MAN2B2: variants seen among roughly 807,000 people sequenced by gnomAD.
MAN2B2 encodes the protein epididymis-specific alpha-mannosidase.
MAN2B2 carries 106 observed loss-of-function variants against 117.1 expected under a neutral mutation model. The ratio of observed to expected loss-of-function variants is 0.90; its 90% CI spans 0.77 to 1.06. The LOEUF (loss-of-function observed/expected upper bound fraction) is 1.06. Ranked by LOEUF, MAN2B2 falls within the 50% of genes least tolerant of loss-of-function variation. MAN2B2 has a pLI of 0.00. For synonymous variants in MAN2B2, 544 were observed against 595.1 expected (o/e 0.91, Z 1.25); for missense variants, 1,326 against 1,381.4 (o/e 0.96, Z 0.64).
At chr4:6,616,395 T>C (rs112024345) in intron 16 of MAN2B2, among the ~76,000 whole-genome samples, 7,093 of 152,240 alleles carry the variant, frequency 0.047, 312 homozygotes, top group African/African-American at 0.11. Flanking sequence ...TCAGTCAGGG[T>C]GGCTGGCGTA....
chr4:6,590,874 C>T (rs898625936), intron 5 of MAN2B2, among the ~76,000 whole-genome samples: 4 of 151,996 alleles, frequency 2.6e-5, no homozygotes, highest in South Asian at 2.1e-4. Context: ...GGAGGCCAGG[C>T]GCAGTGGCTC....
intron 6 of MAN2B2, among the ~76,000 whole-genome samples, chr4:6,594,207 C>T (rs1250324287): frequency 6.6e-6 from 1 of 152,178 alleles, no homozygotes; most frequent in African/African-American, 2.4e-5. Context: ...CTTTGGGAGG[C>T]CAAGGCAGGC....
intron 11 of MAN2B2, 93 bp downstream of exon 11, chr4:6,605,422 C>G: frequency 2.1e-6 from 3 of 1,434,002 alleles, no homozygotes; most frequent in Non-Finnish European, 2.8e-6. Context: ...TGCTCACTTG[C>G]CTGGGGGAAG....
intron 10 of MAN2B2, among the ~76,000 whole-genome samples, chr4:6,602,450 A>T (rs1176526411): frequency 1.3e-5 from 2 of 152,094 alleles, no homozygotes; most frequent in African/African-American, 4.8e-5. Context: ...TTACGAGGGC[A>T]CTAATCCCAT....
chr4:6,605,860 C>T (rs1019376004), intron 11 of MAN2B2, among the ~76,000 whole-genome samples: 2 of 152,112 alleles, frequency 1.3e-5, no homozygotes, highest in African/African-American at 2.4e-5. Flanking sequence ...TCCATCTACC[C>T]ACCCACCTAT....
chr4:6,606,532 G>A (rs573305071), intron 11 of MAN2B2, among the ~76,000 whole-genome samples: 3 of 152,352 alleles, frequency 2.0e-5, no homozygotes, highest in East Asian at 1.9e-4. Context: ...GGCAGCCCAC[G>A]GACCCCACAT....
chr4:6,592,626 G>T (rs1453106747), intron 5 of MAN2B2, among the ~76,000 whole-genome samples: 1 of 152,180 alleles, frequency 6.6e-6, no homozygotes, highest in Non-Finnish European at 1.5e-5. Context: ...AGGTGGGAAT[G>T]CTGGAAGGGG....
chr4:6,597,217 C>A lies in MAN2B2; in HGVS notation c.1162C>A (p.Arg388Ser), dbSNP rs143942569. The change falls in exon 8 of 19, where the codon CGC becomes AGC. Residue 388 changes from arginine to serine, a missense_variant. Arg to Ser is a moderately radical substitution (Grantham distance 110). Transcript: ENST00000285599. ...GTATGCCGGGGAGTCCATGTTCACA[C>A]GCTACCTGTGGCCGGCCCCCCGTGG... ...LLYAGESMFT[R>S]YLWPAPRGHL... 5 of 1,609,318 alleles carry A rather than the reference C, an allele frequency of 3.1e-6. No individual in the cohort carries two copies. The East Asian group carries it at 6.7e-5, about 22-fold the overall frequency.
intron 15 of MAN2B2, among the ~76,000 whole-genome samples, chr4:6,611,686 C>T (rs866104858): frequency 3.3e-5 from 5 of 152,136 alleles, no homozygotes; most frequent in African/African-American, 9.7e-5. Context: ...GCCAGCTACA[C>T]GGGAGACTGA....
At position 6,609,016 on chromosome 4, in the gene MAN2B2, A is replaced by G. The variant is rs2108753509; in HGVS notation, c.1815-91A>G. The stretch of plus-strand genomic sequence containing the variant: ...CTCGTGAGTGCTACGCAGGCCACTC[A>G]GATGGCATCTGGAGAGAGAGGCTTG... On this transcript the variant is annotated intron_variant, in intron 11 of 18. Transcript: ENST00000285599. The G allele has an allele frequency of 3.2e-6, 4 of 1,251,016 alleles. No homozygotes were observed. In the East Asian group the frequency reaches 1.0e-4, roughly 31 times the overall value. The allele number at this position is 1,251,016 out of a possible 1,614,324, so 77.5% of individuals were successfully genotyped here.
At chr4:6,598,404 C>A (rs1483730471) in intron 9 of MAN2B2, 50 bp downstream of exon 9, 4 of 1,577,144 alleles carry the variant, frequency 2.5e-6, no homozygotes, top group Non-Finnish European at 3.5e-6. Flanking sequence ...AAGGGAGAGC[C>A]TGAGGAGGTC....
chr4:6,617,111 T>A (rs1015683233), intron 16 of MAN2B2, among the ~76,000 whole-genome samples: 1 of 151,746 alleles, frequency 6.6e-6, no homozygotes, highest in Non-Finnish European at 1.5e-5. Context: ...AATCATCAGG[T>A]CTCATGAGAC....
At chr4:6,596,622 C>A (rs1036490834) in intron 7 of MAN2B2, among the ~76,000 whole-genome samples, 3 of 152,140 alleles carry the variant, frequency 2.0e-5, no homozygotes, top group Admixed American at 2.0e-4. Flanking sequence ...ATCCATCCTC[C>A]CTGGACGCCC....
chr4:6,609,046 CCGGT>C lies in MAN2B2; in HGVS notation c.1815-60_1815-57del, dbSNP rs988147369. The C allele has an allele frequency of 1.5e-5, 23 of 1,488,468 alleles. No individual in the cohort carries two copies. The African/African-American group carries it at 3.0e-4, about 20-fold the overall frequency. 92.2% of individuals were successfully genotyped at this position (1,488,468 alleles called of 1,614,324 possible). A position where few individuals can be genotyped will look rare whatever the true frequency, so the allele number is the denominator to read the frequency against. On this transcript the variant is annotated intron_variant, in intron 11 of 18. Coordinates refer to ENST00000285599, the MANE Select transcript of MAN2B2 (RefSeq NM_015274.3). The stretch of plus-strand genomic sequence containing the variant: ...GCATCTGGAGAGAGAGGCTTGCCAG[CCGGT>C]GTCTGTAAGACCTTGTGCAGGATGA...
chr4:6,578,617 T>A, intron 3 of MAN2B2, 119 bp downstream of exon 3: 2 of 763,942 alleles, frequency 2.6e-6, no homozygotes, highest in Non-Finnish European at 4.2e-6. Context: ...TCGGGGACCT[T>A]AACCAGTGAA....
intron 3 of MAN2B2, among the ~76,000 whole-genome samples, chr4:6,582,769 G>A (rs1726485871): frequency 6.6e-6 from 1 of 152,100 alleles, no homozygotes; most frequent in Non-Finnish European, 1.5e-5. Flanking sequence ...AGACCCTCCA[G>A]CTCAGGCTGT....
chr4:6,587,707 T>G (rs1726689086), intron 4 of MAN2B2, among the ~76,000 whole-genome samples: 1 of 151,634 alleles, frequency 6.6e-6, no homozygotes, highest in African/African-American at 2.4e-5. Context: ...TTCTTTTCTT[T>G]TGTTTTTTGT....
intron 7 of MAN2B2, among the ~76,000 whole-genome samples, chr4:6,595,354 C>T (rs141061127): frequency 2.4e-3 from 367 of 152,358 alleles, no homozygotes; most frequent in Non-Finnish European, 4.3e-3. Context: ...TGCTCTCAGC[C>T]TCCTGCCCAG....
chr4:6,588,721 T>TA (rs1227951907), intron 4 of MAN2B2, among the ~76,000 whole-genome samples: 1 of 151,706 alleles, frequency 6.6e-6, no homozygotes, highest in Non-Finnish European at 1.5e-5. Context: ...AAATAAAAAA[T>TA]AAAAAAATAA....
Sources: gnomAD v4.1 joint callset for allele counts (sites outside exome capture counted in the v4.1 genomes callset) on GRCh38, gnomAD v4.1.1 for gene constraint, MANE v1.5 for transcripts, NCBI Gene and HGNC (gene_info 2026-07-23, HGNC 2026-07-21) for gene names.